Variants in PLA2R1 observed in about 807,000 individuals in gnomAD.
PLA2R1 encodes the protein phospholipase A2 receptor 1.
PLA2R1 carries 158 observed loss-of-function variants against 195.9 expected under a neutral mutation model. That is an observed-to-expected ratio of 0.81 (90% CI 0.71 to 0.92). The LOEUF (loss-of-function observed/expected upper bound fraction) is 0.92. PLA2R1 is among the 40% of genes least tolerant of loss of function. PLA2R1 has a pLI of 0.00. For missense variants in PLA2R1, 1,626 were observed against 1,764.6 expected, an observed-to-expected ratio of 0.92 and a Z score of 1.41; for synonymous variants, 586 against 598.2, an observed-to-expected ratio of 0.98 and a Z score of 0.30.
At chr2:159,996,527 G>A (rs376506618) in intron 11 of PLA2R1, among the ~76,000 whole-genome samples, 12 of 151,788 alleles carry the variant, frequency 7.9e-5, no homozygotes, top group African/African-American at 2.4e-4. Context: ...GTAGTTTTTC[G>A]TGCGTTCATC....
At chr2:159,999,388 G>A (rs573271967) in intron 11 of PLA2R1, among the ~76,000 whole-genome samples, 38 of 1,496 alleles carry the variant, frequency 0.025, 14 homozygotes, top group Non-Finnish European at 0.039. Context: ...TTTTTGAGAC[G>A]GAGTCTCGCT....
At chr2:160,009,395 G>A (rs1242392657) in intron 10 of PLA2R1, among the ~76,000 whole-genome samples, 1 of 152,140 alleles carries the variant, frequency 6.6e-6, no homozygotes, top group Admixed American at 6.5e-5. Flanking sequence ...TTCCAGAAAC[G>A]AAATTCTGAC....
At chr2:159,992,875 C>T (rs535902222) in intron 11 of PLA2R1, among the ~76,000 whole-genome samples, 36 of 152,020 alleles carry the variant, frequency 2.4e-4, no homozygotes, top group Non-Finnish European at 4.1e-4. Flanking sequence ...GAACATGCCC[C>T]GGAGTCATCC....
chr2:159,977,168 G>T, intron 15 of PLA2R1, 116 bp downstream of exon 15: 1 of 774,472 alleles, frequency 1.3e-6, no homozygotes, highest in Non-Finnish European at 2.1e-6. Context: ...CTAAAGTAGT[G>T]TAATTTATTT....
chr2:159,983,058 G>A (rs559187743), intron 13 of PLA2R1, among the ~76,000 whole-genome samples: 2 of 152,264 alleles, frequency 1.3e-5, no homozygotes, highest in East Asian at 1.9e-4. Context: ...GGGGTGGGGG[G>A]CTCACAGGAA....
chr2:160,010,059 A>G (rs1379243052), intron 10 of PLA2R1, among the ~76,000 whole-genome samples: 1 of 152,220 alleles, frequency 6.6e-6, no homozygotes, highest in Non-Finnish European at 1.5e-5. Flanking sequence ...GCAGTGAGTC[A>G]TGAAGGCACC....
At chr2:159,952,029 G>A (rs1221066294) in intron 23 of PLA2R1, among the ~76,000 whole-genome samples, 1 of 152,060 alleles carries the variant, frequency 6.6e-6, no homozygotes, top group Non-Finnish European at 1.5e-5. Context: ...CATATTATCA[G>A]GTAAAATACT....
At chr2:159,975,660 T>C (rs1302465477) in intron 17 of PLA2R1, among the ~76,000 whole-genome samples, 1 of 152,128 alleles carries the variant, frequency 6.6e-6, no homozygotes, top group Non-Finnish European at 1.5e-5. Flanking sequence ...TAATTCTATT[T>C]ACTCGAATTG....
chr2:159,943,272 A>C lies in PLA2R1; in HGVS notation c.4145-1113T>G, dbSNP rs560458866. 3.0e-4 allele frequency among the ~76,000 whole-genome samples: 45 copies of C among 152,270 alleles called. 1 individual carries two copies. The highest frequency in any genetic ancestry group is 3.4e-3 in the Middle Eastern group (1 of 294). ...AGGCGTGAGCCACCACCCCCGGCCCAGACTTGTTCTTTTAATATAAAAACA... is the reference window on the plus strand; with the variant it reads ...AGGCGTGAGCCACCACCCCCGGCCCCGACTTGTTCTTTTAATATAAAAACA... On this transcript the variant is annotated intron_variant, in intron 28 of 29. Transcript: ENST00000283243.
intron 25 of PLA2R1, 130 bp downstream of exon 25, chr2:159,949,478 C>T: frequency 5.1e-6 from 3 of 590,518 alleles, no homozygotes; most frequent in African/African-American, 1.8e-5. Flanking sequence ...TTTACATCAC[C>T]AACCAGACCA....
intron 9 of PLA2R1, among the ~76,000 whole-genome samples, chr2:160,013,909 G>T (rs973669598): frequency 6.6e-6 from 1 of 151,984 alleles, no homozygotes; most frequent in African/African-American, 2.4e-5. Flanking sequence ...TATACGATGA[G>T]GATAATAATA....
At chr2:160,034,610 G>A (rs1326353799) in intron 3 of PLA2R1, among the ~76,000 whole-genome samples, 1 of 152,158 alleles carries the variant, frequency 6.6e-6, no homozygotes, top group Admixed American at 6.5e-5. Context: ...ATGGGGGAGC[G>A]GGGGTGTGTT....
intron 14 of PLA2R1, among the ~76,000 whole-genome samples, chr2:159,978,740 AATGG>A (rs1401710770): frequency 1.3e-5 from 2 of 152,168 alleles, no homozygotes; most frequent in Non-Finnish European, 2.9e-5. Flanking sequence ...TTATCAGAAA[AATGG>A]ATTAGTGGGG....
At chr2:159,975,709 T>A (rs897362770) in intron 17 of PLA2R1, among the ~76,000 whole-genome samples, 1 of 152,062 alleles carries the variant, frequency 6.6e-6, no homozygotes, top group African/African-American at 2.4e-5. Flanking sequence ...ATAAACTCCA[T>A]GAAGATAGGA....
chr2:160,060,849 T>C (rs577406553), intron 1 of PLA2R1, among the ~76,000 whole-genome samples: 7 of 152,286 alleles, frequency 4.6e-5, no homozygotes, highest in South Asian at 4.1e-4. Flanking sequence ...CATTTTAAAA[T>C]GCAAAGGAAT....
At chr2:160,036,264 T>C (rs1694159138) in intron 3 of PLA2R1, among the ~76,000 whole-genome samples, 1 of 152,240 alleles carries the variant, frequency 6.6e-6, no homozygotes, top group South Asian at 2.1e-4. Context: ...TATTTAATTT[T>C]CTTTTCCAAA....
Position 159,955,545 on chromosome 2 carries a change from C to G in PLA2R1, c.3153+153G>C, listed in dbSNP as rs924416920. 4.0e-5 allele frequency among the ~76,000 whole-genome samples: 6 copies of G among 151,016 alleles called. No individual in the cohort carries two copies. The South Asian group carries it at 1.3e-3, about 32-fold the overall frequency. ...GAGTAAAGTAATTATATTAATGGAA[C>G]ACATAAAATTACATTAAAAATTAAT... On this transcript the variant is annotated intron_variant, in intron 22 of 29. Transcript: ENST00000283243.
intron 20 of PLA2R1, among the ~76,000 whole-genome samples, chr2:159,960,036 C>G (rs1688335352): frequency 6.6e-6 from 1 of 152,094 alleles, no homozygotes; most frequent in Admixed American, 6.6e-5. Flanking sequence ...AGTTTTAAAC[C>G]CATCAAGGGT....
downstream of PLA2R1, among the ~76,000 whole-genome samples, chr2:159,930,902 G>C (rs1440566157): frequency 6.6e-6 from 1 of 152,202 alleles, no homozygotes; most frequent in Non-Finnish European, 1.5e-5. Context: ...TTTCAGACAA[G>C]TTAAATCAAG....
Sources: gnomAD v4.1 joint callset for allele counts (sites outside exome capture counted in the v4.1 genomes callset) on GRCh38, gnomAD v4.1.1 for gene constraint, MANE v1.5 for transcripts, NCBI Gene and HGNC (gene_info 2026-07-23, HGNC 2026-07-21) for gene names.